Variants in CAMK2G observed in about 807,000 individuals in gnomAD.
The protein encoded by CAMK2G is calcium/calmodulin-dependent protein kinase type II subunit gamma.
Under a neutral mutation model 88.7 loss-of-function variants are expected in CAMK2G, and 23 were observed. The ratio of observed to expected loss-of-function variants is 0.26; its 90% CI spans 0.19 to 0.37. The LOEUF is 0.37. Among genes scored for constraint, CAMK2G ranks in the 10% least tolerant of loss-of-function variants. The pLI is 1.00. For synonymous variants in CAMK2G, 263 were observed against 294.8 expected (o/e 0.89, Z 1.11); for missense variants, 476 against 780.8 (o/e 0.61, Z 4.65).
At chr10:73,841,872 G>T in intron 12 of CAMK2G, 1 of 383,746 alleles carries the variant, frequency 2.6e-6, no homozygotes, top group Non-Finnish European at 4.8e-6. Flanking sequence ...AATCTGTAAA[G>T]TGCTGAGAGT....
At chr10:73,858,922 G>A (rs776172136) in intron 3 of CAMK2G, among the ~76,000 whole-genome samples, 41 of 152,272 alleles carry the variant, frequency 2.7e-4, no homozygotes, top group Admixed American at 1.3e-4. Flanking sequence ...TGGTCAACCC[G>A]CCCATGGTCA....
In CAMK2G at chr10:73,859,556, G is replaced by A. The variant is rs368601473; in HGVS notation, c.220+1274C>T. Among the ~76,000 whole-genome samples, 142 of 152,338 alleles carry A rather than the reference G, an allele frequency of 9.3e-4. 1 individual carries two copies. The highest frequency in any genetic ancestry group is 3.3e-3 in the African/African-American group (138 of 41,566). ...AGTCCCCACTGCGCTGTTTTCAGGTGAAGGCCTAACCTCAGAAACCACCTA... is the reference window on the plus strand; with the variant it reads ...AGTCCCCACTGCGCTGTTTTCAGGTAAAGGCCTAACCTCAGAAACCACCTA... On this transcript the variant is annotated intron_variant, in intron 3 of 22. Transcript: ENST00000423381.
In CAMK2G at chr10:73,839,688, C is replaced by A; in HGVS notation, c.947-87G>T. The A allele has an allele frequency of 4.5e-6, 4 of 885,236 alleles. No individual in the cohort carries two copies. Among genetic ancestry groups the A allele is most frequent in the Non-Finnish European group, 6.0e-6 (4 of 670,864 alleles). The allele number at this position is 885,236 out of a possible 1,614,324, so 54.8% of individuals were successfully genotyped here. ...AGCATGCCCCAGCGCGAGGCGCAGC[C>A]CAGGCGGCGTGGCCAAGCCAGCCGA... On this transcript the variant is annotated intron_variant, in intron 12 of 22. Coordinates refer to ENST00000423381, the MANE Select transcript of CAMK2G (RefSeq NM_001367534.1). The surrounding 1 kb of genome is among the most constrained non-coding windows in gnomAD (Gnocchi z 4.2).
At chr10:73,831,593 G>A (rs1167573171) in intron 14 of CAMK2G, among the ~76,000 whole-genome samples, 1 of 149,918 alleles carries the variant, frequency 6.7e-6, no homozygotes. Context: ...TTATAGGCCA[G>A]GCGTGGTGGC....
chr10:73,825,520 T>C (rs2090627542), intron 15 of CAMK2G, among the ~76,000 whole-genome samples, 173 bp from the exon 16 acceptor site: 2 of 152,084 alleles, frequency 1.3e-5, no homozygotes, highest in Admixed American at 1.3e-4. Flanking sequence ...GAGGAAGTAT[T>C]TGTGGGGCCC....
At position 73,860,831 on chromosome 10, in the gene CAMK2G, G is replaced by A. The variant is rs759276317; in HGVS notation, c.219C>T (p.Ile73=). 1.1e-5 allele frequency: 17 copies of A among 1,610,686 alleles called. No homozygotes were observed. Among genetic ancestry groups the A allele is most frequent in the East Asian group, 4.5e-5 (2 of 44,866 alleles). ...AATGCTCCATGCCCAGGCACTCACC[G>A]ATGTTTGGATGTTTCAGAAGTCGAC... is the stretch of plus-strand genomic sequence containing the variant. ...RICRLLKHPN[I]VRLHDSISEE... is the part of the protein sequence containing the mutation. Residue 73 remains isoleucine (I), a splice_region_variant and synonymous_variant, in exon 3 of 23, where the codon ATC becomes ATT. Coordinates refer to ENST00000423381, the MANE Select transcript of CAMK2G (RefSeq NM_001367534.1).
At chr10:73,838,443 C>G (rs2093458585) in intron 13 of CAMK2G, among the ~76,000 whole-genome samples, 1 of 152,136 alleles carries the variant, frequency 6.6e-6, no homozygotes, top group Non-Finnish European at 1.5e-5. Flanking sequence ...TAAAGTAGGG[C>G]TGACATCACA....
chr10:73,856,680 C>T lies in CAMK2G; in HGVS notation c.221-3434G>A, dbSNP rs117267753. ...CCAGAGTAAAGACAGGGCATGAAGG[C>T]CAACAAGGGCCAGGCCATGTCCATA... On this transcript the variant is annotated intron_variant, in intron 3 of 22. Transcript: ENST00000423381. Among the ~76,000 whole-genome samples, 10 of 152,328 alleles carry T rather than the reference C, an allele frequency of 6.6e-5. No individual in the cohort carries two copies. The East Asian group carries it at 1.9e-3, about 29-fold the overall frequency.
intron 2 of CAMK2G, among the ~76,000 whole-genome samples, chr10:73,866,272 T>C (rs903156196): frequency 1.3e-5 from 2 of 152,092 alleles, no homozygotes; most frequent in Admixed American, 6.5e-5. Context: ...AGGAAGCAGA[T>C]AGGGAGGTGA....
At chr10:73,847,803 A>G (rs932634810) in intron 9 of CAMK2G, among the ~76,000 whole-genome samples, 185 bp downstream of exon 9, 3 of 152,240 alleles carry the variant, frequency 2.0e-5, no homozygotes, top group African/African-American at 7.2e-5. Context: ...TGTGCAAAAG[A>G]AAGTTGCTCC....
At chr10:73,816,849 A>G (rs1425355328) in intron 21 of CAMK2G, 174 bp downstream of exon 21, 4 of 1,586,428 alleles carry the variant, frequency 2.5e-6, no homozygotes, top group Non-Finnish European at 3.4e-6. Flanking sequence ...AGGGCCTTCA[A>G]AGGTGCCTGT....
intron 19 of CAMK2G, 24 bp from the exon 20 acceptor site, chr10:73,817,578 AT>A: frequency 1.3e-6 from 2 of 1,544,812 alleles, no homozygotes; most frequent in Non-Finnish European, 9.0e-7. Flanking sequence ...AAATCCATCA[AT>A]TTACCTACTG....
rs200116522 is a variant in CAMK2G at position 73,862,020 on chromosome 10, T to C, written c.161-1131A>G. Among the ~76,000 whole-genome samples the C allele has an allele frequency of 3.9e-5, 6 of 152,170 alleles. No homozygotes were observed. The East Asian group carries it at 1.2e-3, about 29-fold the overall frequency. ...GCCACCATGGCTGTAAGCTTTGACCTCTTCAAATTCAGACTCCAGGATTAC... is the reference window on the plus strand; with the variant it reads ...GCCACCATGGCTGTAAGCTTTGACCCCTTCAAATTCAGACTCCAGGATTAC... On this transcript the variant is annotated intron_variant, in intron 2 of 22. Coordinates refer to ENST00000423381, the MANE Select transcript of CAMK2G (RefSeq NM_001367534.1).
In CAMK2G at chr10:73,852,248, T is replaced by C; in HGVS notation, c.341+6A>G. On this transcript the variant is annotated splice_donor_region_variant and intron_variant, in intron 5 of 22. Coordinates refer to ENST00000423381, the MANE Select transcript of CAMK2G (RefSeq NM_001367534.1). ...CTACATTTGAACTCTCGGGCCCTCA[T>C]CCTACCTGGCATCTGCTTCACTGTA... 1 of 1,612,742 alleles carries C rather than the reference T, an allele frequency of 6.2e-7. No homozygotes were observed. Among genetic ancestry groups the C allele is most frequent in the Non-Finnish European group, 8.5e-7 (1 of 1,178,758 alleles).
chr10:73,872,633 G>A (rs1308533248), intron 2 of CAMK2G, among the ~76,000 whole-genome samples: 1 of 152,172 alleles, frequency 6.6e-6, no homozygotes, highest in Non-Finnish European at 1.5e-5. Context: ...AAGGCCTGCA[G>A]TAGCCACCAC....
chr10:73,814,601 G>A (rs763720991), intron 22 of CAMK2G, 96 bp from the exon 23 acceptor site: 3 of 196,294 alleles, frequency 1.5e-5, no homozygotes, highest in South Asian at 9.9e-5. Context: ...TGGCCAAGTC[G>A]GCCTGAGAAG....
At chr10:73,850,638 C>T (rs1007094469) in intron 5 of CAMK2G, among the ~76,000 whole-genome samples, 4 of 152,224 alleles carry the variant, frequency 2.6e-5, no homozygotes, top group African/African-American at 2.4e-5. Flanking sequence ...TATAGACCCC[C>T]GTCATCAGGC....
intron 12 of CAMK2G, among the ~76,000 whole-genome samples, chr10:73,840,633 T>G (rs2093698803): frequency 6.6e-6 from 1 of 152,168 alleles, no homozygotes; most frequent in African/African-American, 2.4e-5. Context: ...TAACACCCGA[T>G]TTCCTGAAAC....
Position 73,848,905 on chromosome 10 carries a change from G to C in CAMK2G, c.517+108C>G. On this transcript the variant is annotated intron_variant, in intron 7 of 22. Coordinates refer to ENST00000423381, the MANE Select transcript of CAMK2G (RefSeq NM_001367534.1). This position sits in a 1 kb window ranked among gnomAD's most constrained non-coding sequence, Gnocchi z 4.5. Reference sequence around the variant, plus strand: ...TCGCGTACGGCCAAGAGAGATCTCGGAGGCCAGGACCATTAAGGGTCTGGC... The same window carrying C: ...TCGCGTACGGCCAAGAGAGATCTCGCAGGCCAGGACCATTAAGGGTCTGGC... 2 of 793,058 alleles carry C rather than the reference G, an allele frequency of 2.5e-6. No homozygotes were observed. Among genetic ancestry groups the C allele is most frequent in the South Asian group, 1.4e-5 (1 of 73,096 alleles). 49.1% of individuals were successfully genotyped at this position (793,058 alleles called of 1,614,324 possible). A position where few individuals can be genotyped will look rare whatever the true frequency, so the allele number is the denominator to read the frequency against.
Sources: allele counts gnomAD v4.1 joint callset (sites outside exome capture counted in the v4.1 genomes callset), GRCh38; gene constraint gnomAD v4.1.1; non-coding constraint Gnocchi (gnomAD v3.1); transcripts MANE v1.5; gene names NCBI Gene and HGNC (gene_info 2026-07-23, HGNC 2026-07-21).